Variants in PIBF1 observed in about 807,000 individuals in gnomAD.
The protein encoded by PIBF1 is progesterone-induced-blocking factor 1.
In PIBF1, 90 loss-of-function variants were observed where a neutral mutation model predicts 112.5. That is an observed-to-expected ratio of 0.80 (90% CI 0.67 to 0.95). PIBF1 has a LOEUF of 0.95. Ranked by LOEUF, PIBF1 falls within the 40% of genes least tolerant of loss-of-function variation. The pLI is 0.00. For missense variants in PIBF1, 915 were observed against 852.3 expected, an observed-to-expected ratio of 1.07 and a Z score of -0.92; for synonymous variants, 301 against 288.6, an observed-to-expected ratio of 1.04 and a Z score of -0.44.
At position 72,935,176 on chromosome 13, in the gene PIBF1, G is replaced by A. The variant is rs150103563; in HGVS notation, c.1833+3909G>A. Among the ~76,000 whole-genome samples the A allele has an allele frequency of 8.5e-3, 1,295 of 152,160 alleles. 66 individuals carry two copies. Among genetic ancestry groups the A allele is most frequent in the East Asian group, 9.7e-3 (50 of 5,176 alleles). On this transcript the variant is annotated intron_variant, in intron 14 of 17. Transcript: ENST00000326291. ...AATTTTTGTATTTTTAGTAGAGGCGGGGTTTCACTATGTTGGCCAGGCTGG... is the reference window on the plus strand; with the variant it reads ...AATTTTTGTATTTTTAGTAGAGGCGAGGTTTCACTATGTTGGCCAGGCTGG...
chr13:73,008,349 GTGATGTTGCC>G (rs2044101093), intron 17 of PIBF1, among the ~76,000 whole-genome samples: 1 of 152,174 alleles, frequency 6.6e-6, no homozygotes, highest in Non-Finnish European at 1.5e-5. Context: ...CTTGTAAAGG[GTGATGTTGCC>G]TGATTAGTTA....
chr13:72,973,282 CTT>C (rs1298474952), intron 15 of PIBF1, among the ~76,000 whole-genome samples: 3 of 134,318 alleles, frequency 2.2e-5, no homozygotes, highest in Non-Finnish European at 4.5e-5. Flanking sequence ...GACTCCATCT[CTT>C]TAAAAAAAAG....
intron 9 of PIBF1, among the ~76,000 whole-genome samples, chr13:72,839,656 G>T (rs1246758996): frequency 6.6e-6 from 1 of 152,096 alleles, no homozygotes; most frequent in Non-Finnish European, 1.5e-5. Flanking sequence ...TTATTCCTAA[G>T]CAATCCACAT....
At chr13:72,830,309 C>G (rs761514522) in intron 8 of PIBF1, among the ~76,000 whole-genome samples, 5 of 151,982 alleles carry the variant, frequency 3.3e-5, no homozygotes, top group Non-Finnish European at 7.4e-5. Flanking sequence ...CTTCCAATAC[C>G]ATGTTGAATA....
intron 8 of PIBF1, among the ~76,000 whole-genome samples, chr13:72,829,054 A>G (rs1479019690): frequency 2.0e-5 from 3 of 152,290 alleles, no homozygotes; most frequent in Non-Finnish European, 2.9e-5. Context: ...ATTTGTTCAT[A>G]TATCTGTTGG....
chr13:72,821,385 A>T (rs180762145), intron 5 of PIBF1, among the ~76,000 whole-genome samples: 1 of 152,254 alleles, frequency 6.6e-6, no homozygotes, highest in East Asian at 1.9e-4. Context: ...TGAGTAACAC[A>T]ATTGGAACTG....
intron 17 of PIBF1, among the ~76,000 whole-genome samples, chr13:73,012,374 T>TG (rs1222552390): frequency 2.6e-5 from 4 of 151,216 alleles, no homozygotes; most frequent in African/African-American, 9.7e-5. Flanking sequence ...AAATGACAAA[T>TG]GCATTTGATA....
At chr13:73,015,424 G>A (rs1343936325) in intron 17 of PIBF1, among the ~76,000 whole-genome samples, 1 of 152,182 alleles carries the variant, frequency 6.6e-6, no homozygotes, top group Non-Finnish European at 1.5e-5. Flanking sequence ...ATAAACCCAA[G>A]AAGTACTCTG....
At chr13:72,996,268 TA>T (rs374718365) in intron 16 of PIBF1, among the ~76,000 whole-genome samples, 699 of 130,822 alleles carry the variant, frequency 5.3e-3, no homozygotes, top group Admixed American at 7.5e-3. Flanking sequence ...TTCAATATAT[TA>T]AAAAAAAAAA....
At chr13:72,798,209 A>ACAAGTCTGTGTGT (rs1284423137) in intron 5 of PIBF1, among the ~76,000 whole-genome samples, 183 bp downstream of exon 5, 1 of 152,206 alleles carries the variant, frequency 6.6e-6, no homozygotes. Context: ...CATTGACAAG[A>ACAAGTCTGTGTGT]CAAGTCTGTG....
intron 2 of PIBF1, among the ~76,000 whole-genome samples, chr13:72,791,394 G>A (rs563217501): frequency 2.0e-4 from 31 of 152,128 alleles, no homozygotes; most frequent in African/African-American, 6.7e-4. Flanking sequence ...GAATCGTCTT[G>A]GTTAAAGCAA....
chr13:72,837,165 C>T (rs73216814), intron 9 of PIBF1, among the ~76,000 whole-genome samples: 6 of 151,902 alleles, frequency 3.9e-5, no homozygotes, highest in Non-Finnish European at 8.8e-5. Flanking sequence ...CCAGCAAATA[C>T]GTGTGCATGC....
chr13:72,844,618 T>C (rs1487343341), intron 9 of PIBF1, among the ~76,000 whole-genome samples: 2 of 151,792 alleles, frequency 1.3e-5, no homozygotes, highest in Non-Finnish European at 2.9e-5. Flanking sequence ...GTTAGTTTGC[T>C]GAGAATGATG....
At chr13:72,900,535 T>G (rs2040446381) in intron 11 of PIBF1, among the ~76,000 whole-genome samples, 1 of 152,094 alleles carries the variant, frequency 6.6e-6, no homozygotes, top group South Asian at 2.1e-4. Flanking sequence ...GCTGGGATAA[T>G]TAGCTAGCCA....
chr13:72,812,673 A>G (rs2036075465), intron 5 of PIBF1, among the ~76,000 whole-genome samples: 1 of 152,144 alleles, frequency 6.6e-6, no homozygotes, highest in South Asian at 2.1e-4. Flanking sequence ...AGTCCCAGCT[A>G]CTCGGGAGGC....
chr13:72,896,418 C>T (rs1429729654), intron 11 of PIBF1, among the ~76,000 whole-genome samples: 1 of 152,140 alleles, frequency 6.6e-6, no homozygotes, highest in Non-Finnish European at 1.5e-5. Context: ...CCAAAAATCA[C>T]ACTAGTTCAC....
At chr13:72,950,851 G>A (rs941411053) in intron 14 of PIBF1, among the ~76,000 whole-genome samples, 8 of 152,160 alleles carry the variant, frequency 5.3e-5, no homozygotes, top group South Asian at 2.1e-4. Context: ...AGAACCTAAC[G>A]GGTTATATGA....
At chr13:72,901,829 A>G (rs1203060040) in intron 11 of PIBF1, among the ~76,000 whole-genome samples, 1 of 152,168 alleles carries the variant, frequency 6.6e-6, no homozygotes, top group African/African-American at 2.4e-5. Flanking sequence ...AAGTAGAACT[A>G]CCATTTGATC....
intron 2 of PIBF1, among the ~76,000 whole-genome samples, chr13:72,786,770 GT>G (rs1399298742): frequency 6.6e-6 from 1 of 152,104 alleles, no homozygotes; most frequent in Non-Finnish European, 1.5e-5. Flanking sequence ...TATTAGTAGA[GT>G]TTTTTTCTCT....
Sources: allele counts gnomAD v4.1 joint callset (sites outside exome capture counted in the v4.1 genomes callset), GRCh38; gene constraint gnomAD v4.1.1; transcripts MANE v1.5; gene names NCBI Gene and HGNC (gene_info 2026-07-23, HGNC 2026-07-21).